Variants in RABGAP1L observed in about 807,000 individuals in gnomAD.
RABGAP1L encodes the protein RAB GTPase activating protein 1 like, also known as rab GTPase-activating protein 1-like.
Under a neutral mutation model 137.7 loss-of-function variants are expected in RABGAP1L, and 63 were observed. The ratio of observed to expected loss-of-function variants is 0.46; its 90% CI spans 0.37 to 0.56. RABGAP1L has a LOEUF of 0.56. Ranked by LOEUF, RABGAP1L falls within the 20% of genes least tolerant of loss-of-function variation. RABGAP1L has a pLI of 0.00. For missense variants in RABGAP1L, 1,095 were observed against 1,244.0 expected (o/e 0.88, Z 1.80); for synonymous variants, 431 against 433.7 (o/e 0.99, Z 0.08).
At chr1:174,815,414 T>C (rs1690294426) in intron 19 of RABGAP1L, among the ~76,000 whole-genome samples, 1 of 152,238 alleles carries the variant, frequency 6.6e-6, no homozygotes, top group South Asian at 2.1e-4. Context: ...AGATTAAAGA[T>C]AGAATTTCTG....
At chr1:174,293,529 A>G (rs1006799605) in intron 10 of RABGAP1L, among the ~76,000 whole-genome samples, 1 of 152,204 alleles carries the variant, frequency 6.6e-6, no homozygotes, top group East Asian at 1.9e-4. Context: ...TCCAGGAAAT[A>G]GGTCATAATA....
chr1:174,448,417 C>A lies in RABGAP1L; in HGVS notation c.1710+54272C>A. 6.2e-7 allele frequency: 1 copy of A among 1,612,522 alleles called. No homozygotes were observed. Among genetic ancestry groups the A allele is most frequent in the African/African-American group, 1.3e-5 (1 of 75,026 alleles). On this transcript the variant is annotated intron_variant, in intron 13 of 25. Transcript: ENST00000681986. The surrounding 1 kb of genome is among the most constrained non-coding windows in gnomAD (Gnocchi z 4.2). ...GCTTGGTTCCTACTCTGTCACTTCT[C>A]CACTACTCCACAGGTGTCCACGAGT...
At chr1:174,395,874 A>G (rs941568489) in intron 13 of RABGAP1L, among the ~76,000 whole-genome samples, 3 of 151,818 alleles carry the variant, frequency 2.0e-5, no homozygotes, top group Non-Finnish European at 4.4e-5. Flanking sequence ...ACCTAGAGAA[A>G]GTAGATATTT....
chr1:174,962,523 G>C (rs1416584995), intron 20 of RABGAP1L, among the ~76,000 whole-genome samples: 1 of 152,014 alleles, frequency 6.6e-6, no homozygotes, highest in Non-Finnish European at 1.5e-5. Flanking sequence ...GGTTTTTGTA[G>C]AGCAATTGCT....
intron 19 of RABGAP1L, among the ~76,000 whole-genome samples, chr1:174,828,480 G>GT (rs1303074128): frequency 6.8e-6 from 1 of 147,970 alleles, no homozygotes; most frequent in Non-Finnish European, 1.5e-5. Context: ...CTTTCTGTCT[G>GT]TGGAGTGCCT....
chr1:174,274,608 G>C (rs1476303164), intron 8 of RABGAP1L, among the ~76,000 whole-genome samples: 4 of 114,424 alleles, frequency 3.5e-5, no homozygotes, highest in South Asian at 3.4e-4. Context: ...AGGTGACTCT[G>C]TGTGTGTGTG....
chr1:174,221,870 T>A (rs1669781898), intron 3 of RABGAP1L, among the ~76,000 whole-genome samples: 1 of 152,226 alleles, frequency 6.6e-6, no homozygotes, highest in South Asian at 2.1e-4. Context: ...AGAGAAAGTC[T>A]TCATTCTTTT....
chr1:174,481,256 G>T (rs145188067), intron 13 of RABGAP1L, among the ~76,000 whole-genome samples: 2 of 152,214 alleles, frequency 1.3e-5, no homozygotes, highest in African/African-American at 4.8e-5. Flanking sequence ...TAAAACTCCA[G>T]TGACTTATCT....
intron 13 of RABGAP1L, among the ~76,000 whole-genome samples, chr1:174,579,536 A>T (rs980415410): frequency 2.0e-5 from 3 of 152,220 alleles, no homozygotes; most frequent in Non-Finnish European, 4.4e-5. Context: ...AGATTCTGTA[A>T]TTCCACAAAG....
rs1679211208 is a variant in RABGAP1L at position 174,314,749 on chromosome 1, A to G, written c.1465+9622A>G. 2.0e-5 allele frequency among the ~76,000 whole-genome samples: 3 copies of G among 152,072 alleles called. No individual in the cohort carries two copies. The South Asian group carries it at 6.2e-4, about 32-fold the overall frequency. The stretch of plus-strand genomic sequence containing the variant: ...TCCTTCTCAATTTCTTCATTGACCC[A>G]CTGGTCGTTCAGGAGCGTATTGTTT... On this transcript the variant is annotated intron_variant, in intron 11 of 25. Coordinates refer to ENST00000681986, the MANE Select transcript of RABGAP1L (RefSeq NM_001366446.1).
At position 174,880,753 on chromosome 1, in the gene RABGAP1L, G is replaced by A. The variant is rs896852043; in HGVS notation, c.2340+68793G>A. Among the ~76,000 whole-genome samples, 8 of 151,690 alleles carry A rather than the reference G, an allele frequency of 5.3e-5. No homozygotes were observed. In the East Asian group the frequency reaches 5.8e-4, roughly 11 times the overall value. ...ACTACAAGTGCACATCACTGCCCCC[G>A]GCTAATTTTTTTTTAAAGAGGTAGG... On this transcript the variant is annotated intron_variant, in intron 19 of 25. Transcript: ENST00000681986.
intron 13 of RABGAP1L, among the ~76,000 whole-genome samples, chr1:174,480,655 A>G (rs907061115): frequency 6.6e-6 from 1 of 152,210 alleles, no homozygotes; most frequent in Admixed American, 6.5e-5. Context: ...TATCAGAAAT[A>G]GATTTGAAGA....
chr1:174,536,983 A>G (rs1284500821), intron 13 of RABGAP1L, among the ~76,000 whole-genome samples: 2 of 152,198 alleles, frequency 1.3e-5, no homozygotes, highest in Non-Finnish European at 2.9e-5. Flanking sequence ...TGTAGAGCAT[A>G]AGTAGATACT....
At chr1:174,838,917 CAAAAAAAAAAAAAAAAAAAAAA>C (rs58265128) in intron 19 of RABGAP1L, among the ~76,000 whole-genome samples, 1 of 22,454 alleles carries the variant, frequency 4.5e-5, no homozygotes, top group African/African-American at 1.5e-4. Context: ...GACTCCGTCT[CAAAAAAAAAAAAAAAAAAAAAA>C]AAAAAAAAAA....
chr1:174,620,406 T>A (rs1479734258), intron 13 of RABGAP1L, among the ~76,000 whole-genome samples: 1 of 152,076 alleles, frequency 6.6e-6, no homozygotes, highest in Non-Finnish European at 1.5e-5. Context: ...TCAGCAAATG[T>A]AAAAGAACAG....
At chr1:174,967,696 A>C (rs1323170641) in intron 20 of RABGAP1L, among the ~76,000 whole-genome samples, 1 of 151,914 alleles carries the variant, frequency 6.6e-6, no homozygotes, top group Non-Finnish European at 1.5e-5. Context: ...CATGTTGCTG[A>C]GGCTGGTCTT....
At chr1:174,890,373 G>T (rs1252681626) in intron 19 of RABGAP1L, among the ~76,000 whole-genome samples, 1 of 152,130 alleles carries the variant, frequency 6.6e-6, no homozygotes, top group Non-Finnish European at 1.5e-5. Context: ...TTCCTTGTGG[G>T]TTGTTTTATT....
At chr1:174,163,418 C>T (rs1265939027) in intron 1 of RABGAP1L, among the ~76,000 whole-genome samples, 2 of 152,080 alleles carry the variant, frequency 1.3e-5, no homozygotes, top group East Asian at 3.8e-4. Flanking sequence ...TATGCGCATG[C>T]TAACTCTTTT....
chr1:174,181,689 T>A (rs1035406946), intron 1 of RABGAP1L, among the ~76,000 whole-genome samples: 15 of 152,290 alleles, frequency 9.8e-5, no homozygotes, highest in African/African-American at 3.4e-4. Flanking sequence ...TGGGGGATCC[T>A]GGAATCAAGC....
Sources: gnomAD v4.1 joint callset for allele counts (sites outside exome capture counted in the v4.1 genomes callset) on GRCh38, gnomAD v4.1.1 for gene constraint, Gnocchi (gnomAD v3.1) non-coding constraint, MANE v1.5 for transcripts, NCBI Gene and HGNC (gene_info 2026-07-23, HGNC 2026-07-21) for gene names.